The following MEF2C variants were observed in gnomAD, a reference collection of about 807,000 sequenced individuals.
MEF2C encodes the protein myocyte-specific enhancer factor 2C.
A neutral mutation model predicts 50.5 loss-of-function variants in MEF2C; 6 were observed. That is an observed-to-expected ratio of 0.12 (90% CI 0.07 to 0.23). The LOEUF (loss-of-function observed/expected upper bound fraction) is 0.23. MEF2C is among the 10% of genes least tolerant of loss of function. The pLI, the probability that MEF2C is intolerant of heterozygous loss-of-function variation, is 1.00. For synonymous variants in MEF2C, 183 were observed against 228.0 expected, an observed-to-expected ratio of 0.80 and a Z score of 1.78; for missense variants, 276 against 605.0, an observed-to-expected ratio of 0.46 and a Z score of 5.70.
intron 3 of MEF2C, among the ~76,000 whole-genome samples, chr5:88,798,654 C>T (rs1269852882): frequency 1.3e-5 from 2 of 152,116 alleles, no homozygotes; most frequent in African/African-American, 4.8e-5. Flanking sequence ...ATTTGTCAAA[C>T]TCATTCTCCA....
In MEF2C at chr5:88,816,674, G is replaced by A. The variant is rs1805584505; in HGVS notation, c.54+7061C>T. ...GCTTTTAAGAAGGCATCCCCAATAT[G>A]TGGCAATAGACCCTATAATTCAATT... On this transcript the variant is annotated intron_variant, in intron 2 of 10. Transcript: ENST00000504921. Among the ~76,000 whole-genome samples the A allele has an allele frequency of 2.0e-5, 3 of 151,702 alleles. No homozygotes were observed. In the South Asian group the frequency reaches 6.2e-4, roughly 31 times the overall value.
chr5:88,739,391 G>C, intron 6 of MEF2C: 1 of 978,100 alleles, frequency 1.0e-6, no homozygotes, highest in Non-Finnish European at 1.2e-6. Flanking sequence ...TGGGTTGTTA[G>C]ACAGGAAATG....
intron 3 of MEF2C, among the ~76,000 whole-genome samples, chr5:88,804,209 G>A (rs79000406): frequency 0.021 from 3,230 of 152,208 alleles, 56 homozygotes; most frequent in Middle Eastern, 0.041. Context: ...TGATGATGCC[G>A]GGAAACTATT....
intron 2 of MEF2C, among the ~76,000 whole-genome samples, chr5:88,821,366 T>C (rs1808269664): frequency 6.6e-6 from 1 of 152,074 alleles, no homozygotes; most frequent in African/African-American, 2.4e-5. Flanking sequence ...ACATCTCGGG[T>C]CCTAGTGGTC....
At chr5:88,740,576 A>C in intron 6 of MEF2C, 4 of 985,126 alleles carry the variant, frequency 4.1e-6, no homozygotes, top group Non-Finnish European at 4.8e-6. Context: ...TCCAAAATGC[A>C]GGTTGCTACC....
chr5:88,843,592 A>G (rs1818216974), intron 1 of MEF2C: 3 of 339,604 alleles, frequency 8.8e-6, no homozygotes, highest in Non-Finnish European at 1.3e-5. Flanking sequence ...GGTGTTAACT[A>G]TGTAATATAT....
At chr5:88,800,268 G>A (rs1193540955) in intron 3 of MEF2C, among the ~76,000 whole-genome samples, 1 of 152,158 alleles carries the variant, frequency 6.6e-6, no homozygotes, top group African/African-American at 2.4e-5. Context: ...GAATGCTCTG[G>A]AAAAACACAT....
In MEF2C at chr5:88,733,940, C is replaced by A; in HGVS notation, c.638-2039G>T. 3.0e-6 allele frequency: 3 copies of A among 985,184 alleles called. No homozygotes were observed. In the South Asian group the frequency reaches 1.4e-4, roughly 46 times the overall value. 61.0% of individuals were successfully genotyped at this position (985,184 alleles called of 1,614,324 possible). On this transcript the variant is annotated intron_variant, in intron 6 of 10. Transcript: ENST00000504921. ...TCTAAAGCTAGATAAATATGACAAA[C>A]CCCCAAATTTTCTTTACAGTAAATT...
rs565150151 is a variant in MEF2C at position 88,829,204 on chromosome 5, A to T, written c.-142-5274T>A. Among the ~76,000 whole-genome samples the T allele has an allele frequency of 2.6e-5, 4 of 152,092 alleles. No individual in the cohort carries two copies. In the South Asian group the frequency reaches 6.2e-4, roughly 24 times the overall value. ...CACATCTGCCATGCTCCTTCCTGCC[A>T]CTAGGCCTTTGTGTACTAGGCAATT... On this transcript the variant is annotated intron_variant, in intron 1 of 10. Transcript: ENST00000504921.
intron 1 of MEF2C, 165 bp from the exon 2 acceptor site, chr5:88,824,095 C>G (rs952392441): frequency 1.2e-6 from 1 of 864,656 alleles, no homozygotes; most frequent in African/African-American, 1.8e-5. Context: ...CAGACAGGAG[C>G]AGATCAAGTA....
chr5:88,873,616 C>T (rs964334793), intron 1 of MEF2C, among the ~76,000 whole-genome samples: 7 of 151,154 alleles, frequency 4.6e-5, no homozygotes, highest in South Asian at 2.1e-4. Context: ...GGGATATTGC[C>T]GATTCATTTC....
chr5:88,866,728 A>G (rs1827516382), intron 1 of MEF2C, among the ~76,000 whole-genome samples: 1 of 152,184 alleles, frequency 6.6e-6, no homozygotes, highest in South Asian at 2.1e-4. Flanking sequence ...TTCACATCTA[A>G]CTTTGGTTTT....
At chr5:88,775,297 T>C (rs1165600101) in intron 3 of MEF2C, among the ~76,000 whole-genome samples, 4 of 152,152 alleles carry the variant, frequency 2.6e-5, no homozygotes, top group African/African-American at 9.7e-5. Flanking sequence ...CCTGCTGTTT[T>C]ATGGTATTAA....
chr5:88,772,660 T>C (rs1782899641), intron 3 of MEF2C: 5 of 843,784 alleles, frequency 5.9e-6, no homozygotes, highest in Non-Finnish European at 7.1e-6. Context: ...TCATTTATGG[T>C]ATCCTCAACT....
intron 5 of MEF2C, chr5:88,750,057 G>T: frequency 1.3e-5 from 7 of 556,584 alleles, no homozygotes; most frequent in Non-Finnish European, 1.4e-5. Flanking sequence ...TTTTAGTTTT[G>T]AAAAAAACAA....
intron 1 of MEF2C, among the ~76,000 whole-genome samples, chr5:88,853,152 A>C (rs981210586): frequency 2.0e-5 from 3 of 152,188 alleles, no homozygotes; most frequent in Non-Finnish European, 4.4e-5. Flanking sequence ...TGAGCCTAGA[A>C]GTTCAAGGCT....
chr5:88,861,875 G>A (rs1825641827), intron 1 of MEF2C, among the ~76,000 whole-genome samples: 1 of 152,166 alleles, frequency 6.6e-6, no homozygotes, highest in African/African-American at 2.4e-5. Flanking sequence ...TGATGTTAAT[G>A]TATTATCTAT....
At chr5:88,786,377 G>T (rs1790893963) in intron 3 of MEF2C, among the ~76,000 whole-genome samples, 1 of 152,168 alleles carries the variant, frequency 6.6e-6, no homozygotes, top group African/African-American at 2.4e-5. Flanking sequence ...TTGAAGAACT[G>T]ATTAGGTTGT....
chr5:88,798,966 G>A (rs1797143763), intron 3 of MEF2C, among the ~76,000 whole-genome samples: 1 of 152,200 alleles, frequency 6.6e-6, no homozygotes, highest in South Asian at 2.1e-4. Flanking sequence ...GTTAACACCA[G>A]CAGAGGCTGG....
Sources: gnomAD v4.1 joint callset for allele counts (sites outside exome capture counted in the v4.1 genomes callset) on GRCh38, gnomAD v4.1.1 for gene constraint, MANE v1.5 for transcripts, NCBI Gene and HGNC (gene_info 2026-07-23, HGNC 2026-07-21) for gene names.